The following ARL17B variants were observed in gnomAD, a reference collection of about 807,000 sequenced individuals.
The protein encoded by ARL17B is ADP-ribosylation factor-like protein 17.
At chr17:46,285,015 C>T (rs2049866802) in intron 4 of ARL17B, among the ~76,000 whole-genome samples, 1 of 152,138 alleles carries the variant, frequency 6.6e-6, no homozygotes, top group Non-Finnish European at 1.5e-5. Context: ...AAGTGTGTGC[C>T]AACATGCCCA....
intron 4 of ARL17B, among the ~76,000 whole-genome samples, chr17:46,291,410 C>T (rs7223609): frequency 0.1 from 15,459 of 148,286 alleles, 162 homozygotes; most frequent in Non-Finnish European, 0.16. Flanking sequence ...ACTCCAGATG[C>T]AGAAGGAGGA....
At chr17:46,323,560 C>T in intron 3 of ARL17B, among the ~76,000 whole-genome samples, 1 of 91,050 alleles carries the variant, frequency 1.1e-5, no homozygotes, top group East Asian at 2.9e-4. Context: ...CCACACCTGG[C>T]TAATTTTTGT....
chr17:46,319,034 G>T (rs4322709), intron 3 of ARL17B, among the ~76,000 whole-genome samples: 447 of 8,758 alleles, frequency 0.051, 17 homozygotes, highest in Middle Eastern at 0.25. Flanking sequence ...GCTCCCTCTG[G>T]TTGGGGATGT....
At chr17:46,321,357 G>GAAAAA (rs763727306) in intron 3 of ARL17B, among the ~76,000 whole-genome samples, 2 of 31,356 alleles carry the variant, frequency 6.4e-5, no homozygotes, top group Non-Finnish European at 8.7e-5. Context: ...CTCCGTCTCA[G>GAAAAA]AAAAAAAAAA....
Position 46,280,569 on chromosome 17 carries a change from C to CTTTTTTTTTT in ARL17B, c.*22-5161_*22-5152dup, listed in dbSNP as rs56981193. Among the ~76,000 whole-genome samples, 3 of 112,012 alleles carry CTTTTTTTTTT rather than the reference C, an allele frequency of 2.7e-5. 1 individual carries two copies. The highest frequency in any genetic ancestry group is 1.7e-5 in the Non-Finnish European group (1 of 58,778). 73.5% of individuals were successfully genotyped at this position (112,012 alleles called of 152,430 possible). A position where few individuals can be genotyped will look rare whatever the true frequency, so the allele number is the denominator to read the frequency against. ...TTGTTTCCTTATTTTTGATAGCACACTTTTTTTTTTTTTTTTTTTTCCTGA... is the reference window on the plus strand; with the variant it reads ...TTGTTTCCTTATTTTTGATAGCACACTTTTTTTTTTTTTTTTTTTTTTTTTTTTTTCCTGA... On this transcript the variant is annotated intron_variant, in intron 4 of 4. Coordinates refer to the ARL17B transcript ENST00000570618.
At chr17:46,278,439 C>T (rs2049659863) in intron 4 of ARL17B, among the ~76,000 whole-genome samples, 1 of 149,182 alleles carries the variant, frequency 6.7e-6, no homozygotes, top group South Asian at 2.1e-4. Flanking sequence ...GAGTCTTGCT[C>T]TGTCACCCAG....
At chr17:46,309,195 T>C (rs1475542382) in intron 3 of ARL17B, among the ~76,000 whole-genome samples, 9 of 53,494 alleles carry the variant, frequency 1.7e-4, no homozygotes, top group East Asian at 3.3e-4. Context: ...AGGTTTTGCA[T>C]TGGGGAAAGG....
chr17:46,288,253 C>G (rs1164710851), intron 4 of ARL17B, among the ~76,000 whole-genome samples: 2 of 151,892 alleles, frequency 1.3e-5, no homozygotes, highest in Non-Finnish European at 2.9e-5. Context: ...ATGATCCTCC[C>G]ACCTCAGCCT....
chr17:46,274,652 G>C (rs1567847654), downstream of ARL17B: 1 of 152,604 alleles, frequency 6.6e-6, no homozygotes, highest in Non-Finnish European at 1.5e-5. Flanking sequence ...CATCTTTTTT[G>C]CAACAATAAA....
chr17:46,276,790 C>CTTTT (rs75549659), intron 4 of ARL17B, among the ~76,000 whole-genome samples: 6 of 134,312 alleles, frequency 4.5e-5, no homozygotes, highest in Non-Finnish European at 6.4e-5. Context: ...TTCTTTTTTT[C>CTTTT]TTTTTTTTTT....
At chr17:46,285,241 C>CTTTTT (rs56201620) in intron 4 of ARL17B, among the ~76,000 whole-genome samples, 1 of 138,424 alleles carries the variant, frequency 7.2e-6, no homozygotes, top group Non-Finnish European at 1.6e-5. Flanking sequence ...CTTTTCTTTC[C>CTTTTT]TTTTTTTTTT....
intron 4 of ARL17B, among the ~76,000 whole-genome samples, chr17:46,276,137 C>T (rs1320380786): frequency 2.0e-5 from 3 of 152,208 alleles, no homozygotes; most frequent in Non-Finnish European, 4.4e-5. Flanking sequence ...GTGATCCGCC[C>T]GCCTCGGCCT....
intron 4 of ARL17B, among the ~76,000 whole-genome samples, chr17:46,276,745 G>GT (rs1189615505): frequency 6.7e-6 from 1 of 150,216 alleles, no homozygotes; most frequent in African/African-American, 2.5e-5. Context: ...GCAACAGCAA[G>GT]TTGTCTTTAT....
At chr17:46,317,164 C>A (rs1487542218) in intron 3 of ARL17B, among the ~76,000 whole-genome samples, 1 of 90,008 alleles carries the variant, frequency 1.1e-5, no homozygotes, top group African/African-American at 3.0e-5. Context: ...GGCAGAGGCG[C>A]TCCTCACATC....
At chr17:46,290,481 T>C (rs923741313) in intron 4 of ARL17B, among the ~76,000 whole-genome samples, 2 of 152,236 alleles carry the variant, frequency 1.3e-5, no homozygotes, top group Non-Finnish European at 2.9e-5. Flanking sequence ...TGTTTCGAGA[T>C]GGAGTCTCGC....
At chr17:46,294,186 C>T (rs1243646138), downstream of ARL17B, among the ~76,000 whole-genome samples, 3 of 76,508 alleles carry the variant, frequency 3.9e-5, 1 homozygote, top group African/African-American at 9.3e-5. Flanking sequence ...CACCCGGCCC[C>T]CCTTCAATTT....
At chr17:46,343,798 GC>G in intron 3 of ARL17B, among the ~76,000 whole-genome samples, 1 of 25,164 alleles carries the variant, frequency 4.0e-5, no homozygotes, top group South Asian at 9.3e-4. Context: ...AGGCTGGAGT[GC>G]AGTGGCGCAG....
At chr17:46,279,506 T>TC (rs2049699695) in intron 4 of ARL17B, among the ~76,000 whole-genome samples, 1 of 122,572 alleles carries the variant, frequency 8.2e-6, no homozygotes, top group Non-Finnish European at 1.8e-5. Context: ...CTTTCTTTTT[T>TC]TTTTTTTTTT....
At chr17:46,285,473 C>G (rs1433361305) in intron 4 of ARL17B, among the ~76,000 whole-genome samples, 1 of 152,006 alleles carries the variant, frequency 6.6e-6, no homozygotes, top group Non-Finnish European at 1.5e-5. Context: ...AACTCCTGAC[C>G]TCATGATTTG....
Sources: allele counts gnomAD v4.1 joint callset (sites outside exome capture counted in the v4.1 genomes callset), GRCh38; gene constraint gnomAD v4.1.1; transcripts MANE v1.5; gene names NCBI Gene and HGNC (gene_info 2026-07-23, HGNC 2026-07-21).